The following DENND1B variants were observed in gnomAD, a reference collection of about 807,000 sequenced individuals.
DENND1B encodes DENN domain-containing protein 1B.
DENND1B carries 59 observed loss-of-function variants against 90.1 expected under a neutral mutation model. The observed-to-expected ratio is 0.65, with a 90% CI of 0.53 to 0.81. The LOEUF (loss-of-function observed/expected upper bound fraction) is 0.81. Ranked by LOEUF, DENND1B falls within the 40% of genes least tolerant of loss-of-function variation. DENND1B has a pLI of 0.00. For missense variants in DENND1B, 862 were observed against 912.6 expected (o/e 0.94, Z 0.71); for synonymous variants, 337 against 324.6 (o/e 1.04, Z -0.41).
chr1:197,591,892 C>T (rs1005100212), intron 14 of DENND1B, among the ~76,000 whole-genome samples: 1 of 151,886 alleles, frequency 6.6e-6, no homozygotes, highest in South Asian at 2.1e-4. Context: ...AGGTGTATCA[C>T]GAGGTCAGGA....
At chr1:197,725,894 T>C (rs954578535) in intron 2 of DENND1B, among the ~76,000 whole-genome samples, 3 of 151,956 alleles carry the variant, frequency 2.0e-5, no homozygotes, top group African/African-American at 7.3e-5. Flanking sequence ...GGTAATAAAA[T>C]AATGAACCCA....
intron 15 of DENND1B, among the ~76,000 whole-genome samples, chr1:197,557,813 A>G (rs1030165027): frequency 1.1e-4 from 17 of 151,878 alleles, no homozygotes; most frequent in African/African-American, 3.9e-4. Context: ...GTTCATGGTT[A>G]TACCACTTTA....
intron 16 of DENND1B, among the ~76,000 whole-genome samples, chr1:197,547,230 T>A (rs1250882457): frequency 2.0e-5 from 3 of 151,428 alleles, no homozygotes; most frequent in African/African-American, 7.3e-5. Context: ...ATTATGCCAC[T>A]GCACTCCAGC....
intron 18 of DENND1B, among the ~76,000 whole-genome samples, chr1:197,541,719 C>A (rs1343400306): frequency 1.3e-5 from 2 of 152,130 alleles, no homozygotes; most frequent in Non-Finnish European, 2.9e-5. Flanking sequence ...AAAAGGAATT[C>A]ATATTTATTT....
chr1:197,608,056 G>C (rs1353690939), intron 12 of DENND1B, among the ~76,000 whole-genome samples: 1 of 150,364 alleles, frequency 6.7e-6, no homozygotes, highest in Admixed American at 6.7e-5. Context: ...ACTAGCAATA[G>C]GTTAATAATT....
At chr1:197,556,212 G>A (rs945280684) in intron 15 of DENND1B, among the ~76,000 whole-genome samples, 3 of 152,002 alleles carry the variant, frequency 2.0e-5, no homozygotes, top group Non-Finnish European at 2.9e-5. Context: ...TGTGGGGAAA[G>A]GTGGGAGTGG....
At chr1:197,663,854 C>T (rs1319927895) in intron 5 of DENND1B, among the ~76,000 whole-genome samples, 3 of 152,068 alleles carry the variant, frequency 2.0e-5, no homozygotes, top group Non-Finnish European at 4.4e-5. Flanking sequence ...GGAAATCCTA[C>T]CGACTACTCA....
intron 3 of DENND1B, among the ~76,000 whole-genome samples, chr1:197,674,418 T>C (rs951497630): frequency 1.2e-4 from 19 of 152,174 alleles, no homozygotes; most frequent in African/African-American, 4.3e-4. Flanking sequence ...ATTAACACCC[T>C]TCACATCCCC....
At chr1:197,577,421 G>A (rs577768265) in intron 15 of DENND1B, among the ~76,000 whole-genome samples, 1 of 152,246 alleles carries the variant, frequency 6.6e-6, no homozygotes, top group African/African-American at 2.4e-5. Context: ...TTCTGCCATG[G>A]GGGGCACTCT....
chr1:197,644,758 A>AT (rs1680584759), intron 9 of DENND1B, among the ~76,000 whole-genome samples: 1 of 152,158 alleles, frequency 6.6e-6, no homozygotes, highest in African/African-American at 2.4e-5. Context: ...AAAATTTACT[A>AT]TTGGCTTCTT....
intron 5 of DENND1B, among the ~76,000 whole-genome samples, chr1:197,667,106 C>G (rs905405095): frequency 2.0e-5 from 3 of 151,544 alleles, no homozygotes; most frequent in Non-Finnish European, 4.4e-5. Context: ...TGCATTCCAG[C>G]CTGGCCGCAG....
At chr1:197,531,111 C>T (rs796471971) in intron 20 of DENND1B, among the ~76,000 whole-genome samples, 29 of 152,154 alleles carry the variant, frequency 1.9e-4, no homozygotes, top group African/African-American at 5.3e-4. Context: ...CTGAAAAACG[C>T]GGATAATAAT....
At chr1:197,677,424 T>C (rs1406632159) in intron 3 of DENND1B, among the ~76,000 whole-genome samples, 1 of 152,174 alleles carries the variant, frequency 6.6e-6, no homozygotes, top group African/African-American at 2.4e-5. Context: ...CTTACGGTCC[T>C]TATCACCTAA....
At position 197,681,328 on chromosome 1, in the gene DENND1B, C is replaced by T. The variant is rs115345819; in HGVS notation, c.127-7159G>A. 5.4e-3 allele frequency among the ~76,000 whole-genome samples: 815 copies of T among 152,210 alleles called. 9 individuals carry two copies. The highest frequency in any genetic ancestry group is 0.019 in the African/African-American group (779 of 41,546). On this transcript the variant is annotated intron_variant, in intron 3 of 22. Coordinates refer to ENST00000620048, the MANE Select transcript of DENND1B (RefSeq NM_001195215.2). Reference sequence around the variant, plus strand: ...TTGCAAAGTTATCCGATGTACATATCTGATGATTTCATCACACACAAAAAG... The same window carrying T: ...TTGCAAAGTTATCCGATGTACATATTTGATGATTTCATCACACACAAAAAG...
chr1:197,637,842 C>T (rs1679930442), intron 10 of DENND1B, among the ~76,000 whole-genome samples: 1 of 152,126 alleles, frequency 6.6e-6, no homozygotes, highest in South Asian at 2.1e-4. Flanking sequence ...ACATGAGGCA[C>T]AAAAATACAC....
At chr1:197,725,648 T>C (rs546523091) in intron 2 of DENND1B, among the ~76,000 whole-genome samples, 2 of 151,906 alleles carry the variant, frequency 1.3e-5, no homozygotes, top group South Asian at 4.1e-4. Flanking sequence ...AAAAAAAAGT[T>C]ATATTTGTTC....
chr1:197,686,772 C>T (rs975772712), intron 3 of DENND1B, among the ~76,000 whole-genome samples: 1 of 151,266 alleles, frequency 6.6e-6, no homozygotes, highest in Non-Finnish European at 1.5e-5. Context: ...CTTTTCAGGC[C>T]GCTTCACAAC....
At chr1:197,543,712 G>T (rs2125662274) in intron 18 of DENND1B, among the ~76,000 whole-genome samples, 1 of 152,166 alleles carries the variant, frequency 6.6e-6, no homozygotes, top group Non-Finnish European at 1.5e-5. Context: ...GTCTTATTTT[G>T]GCCTTATGGT....
At chr1:197,780,387 G>A (rs909940645), upstream of DENND1B, among the ~76,000 whole-genome samples, 3 of 150,106 alleles carry the variant, frequency 2.0e-5, no homozygotes, top group East Asian at 2.0e-4. Context: ...GTGCAGTGGC[G>A]TGATCTTGGC....
Sources: gnomAD v4.1 joint callset for allele counts (sites outside exome capture counted in the v4.1 genomes callset) on GRCh38, gnomAD v4.1.1 for gene constraint, MANE v1.5 for transcripts, NCBI Gene and HGNC (gene_info 2026-07-23, HGNC 2026-07-21) for gene names.